Variants in ANK3 observed in about 807,000 individuals in gnomAD.
ANK3 encodes the protein ankyrin 3, also known as ankyrin-3.
A neutral mutation model predicts 370.9 loss-of-function variants in ANK3; 57 were observed. That is an observed-to-expected ratio of 0.15 (90% CI 0.12 to 0.19). ANK3 has a LOEUF of 0.19. Among genes scored for constraint, ANK3 ranks in the 10% least tolerant of loss-of-function variants. The probability of loss-of-function intolerance (pLI) is 1.00; values close to 1 mark genes in which losing one functional copy is unlikely to be tolerated. For synonymous variants in ANK3, 1,929 were observed against 1,946.3 expected, an observed-to-expected ratio of 0.99 and a Z score of 0.23; for missense variants, 4,439 against 5,302.1, an observed-to-expected ratio of 0.84 and a Z score of 5.06.
At chr10:60,137,474 C>T (rs543218104) in intron 24 of ANK3, 1 of 242,692 alleles carries the variant, frequency 4.1e-6, no homozygotes, top group East Asian at 9.3e-5. Context: ...TTAATGTACT[C>T]CTTTTAAAAT....
At chr10:60,641,001 G>A (rs1027636426) in intron 1 of ANK3, among the ~76,000 whole-genome samples, 14 of 147,104 alleles carry the variant, frequency 9.5e-5, no homozygotes, top group African/African-American at 3.5e-4. Flanking sequence ...CAAACGGAGA[G>A]CCAAATCAGG....
At chr10:60,314,005 C>T (rs931999834) in intron 1 of ANK3, among the ~76,000 whole-genome samples, 3 of 151,508 alleles carry the variant, frequency 2.0e-5, no homozygotes, top group Non-Finnish European at 4.4e-5. Flanking sequence ...TCTCCATCTC[C>T]CTGCTAGAGT....
intron 23 of ANK3, among the ~76,000 whole-genome samples, chr10:60,162,512 A>C (rs575077906): frequency 6.6e-6 from 1 of 152,168 alleles, no homozygotes; most frequent in African/African-American, 2.4e-5. Context: ...TGTGGCTTCC[A>C]CTGGCCACCA....
chr10:60,117,726 A>C (rs1379513354), intron 25 of ANK3, among the ~76,000 whole-genome samples: 1 of 152,184 alleles, frequency 6.6e-6, no homozygotes, highest in Admixed American at 6.5e-5. Flanking sequence ...AGGCAGGAGA[A>C]TCGCCTGAAC....
At chr10:60,402,666 C>T (rs2063375242) in intron 2 of ANK3, among the ~76,000 whole-genome samples, 1 of 152,204 alleles carries the variant, frequency 6.6e-6, no homozygotes. Context: ...TGCACACTTC[C>T]ATTCTGTTTA....
chr10:60,565,032 T>C (rs1045888645), intron 2 of ANK3, among the ~76,000 whole-genome samples: 1 of 152,068 alleles, frequency 6.6e-6, no homozygotes, highest in Non-Finnish European at 1.5e-5. Context: ...TCAGTAATCA[T>C]TGACAATGAA....
intron 2 of ANK3, among the ~76,000 whole-genome samples, chr10:60,443,266 T>C (rs1043607502): frequency 6.6e-6 from 1 of 152,046 alleles, no homozygotes; most frequent in Non-Finnish European, 1.5e-5. Context: ...TGGGAAAACA[T>C]AAAGGACATT....
chr10:60,123,608 G>C (rs2093612292), intron 25 of ANK3, among the ~76,000 whole-genome samples: 1 of 152,220 alleles, frequency 6.6e-6, no homozygotes, highest in South Asian at 2.1e-4. Context: ...TTAAGGTCCA[G>C]AACTAACCCT....
chr10:60,227,040 C>T (rs2132510858), intron 8 of ANK3, among the ~76,000 whole-genome samples: 1 of 151,766 alleles, frequency 6.6e-6, no homozygotes, highest in South Asian at 2.1e-4. Context: ...GGTATCATTT[C>T]CCTTAGATGG....
chr10:60,254,863 G>A (rs1294815246), intron 7 of ANK3, among the ~76,000 whole-genome samples: 4 of 152,198 alleles, frequency 2.6e-5, no homozygotes, highest in Non-Finnish European at 5.9e-5. Flanking sequence ...ACCAGGAGTG[G>A]TGGACAGGAA....
At chr10:60,130,349 G>T (rs1282717262) in intron 25 of ANK3, among the ~76,000 whole-genome samples, 2 of 152,192 alleles carry the variant, frequency 1.3e-5, no homozygotes, top group African/African-American at 4.8e-5. Flanking sequence ...TGATTAATCA[G>T]CAGGATAATA....
chr10:60,261,380 CATT>C (rs2097802000), intron 7 of ANK3, among the ~76,000 whole-genome samples: 1 of 152,182 alleles, frequency 6.6e-6, no homozygotes, highest in African/African-American at 2.4e-5. Context: ...ACTTGTTACT[CATT>C]ATGAAAGTTT....
intron 2 of ANK3, among the ~76,000 whole-genome samples, chr10:60,409,575 C>T (rs2063518888): frequency 6.6e-6 from 1 of 152,202 alleles, no homozygotes; most frequent in East Asian, 1.9e-4. Flanking sequence ...CAAAAGGAGT[C>T]GGGCTCCTTC....
At chr10:60,521,329 A>T (rs1416552249) in intron 2 of ANK3, among the ~76,000 whole-genome samples, 1 of 152,132 alleles carries the variant, frequency 6.6e-6, no homozygotes, top group Non-Finnish European at 1.5e-5. Context: ...CTTTAAAGGA[A>T]TATATTATAC....
At chr10:60,330,151 A>G (rs2050874611) in intron 1 of ANK3, among the ~76,000 whole-genome samples, 1 of 152,226 alleles carries the variant, frequency 6.6e-6, no homozygotes. Flanking sequence ...TGGATTAAAG[A>G]CTGAAACGTA....
intron 2 of ANK3, among the ~76,000 whole-genome samples, chr10:60,580,406 T>C (rs2077735369): frequency 6.6e-6 from 1 of 152,170 alleles, no homozygotes; most frequent in Non-Finnish European, 1.5e-5. Context: ...TGGTATACTG[T>C]CTTTAGCTAA....
chr10:60,675,566 A>G (rs2079114296), intron 1 of ANK3, among the ~76,000 whole-genome samples: 1 of 152,238 alleles, frequency 6.6e-6, no homozygotes, highest in South Asian at 2.1e-4. Flanking sequence ...GATGATTCAT[A>G]AGTATTTTTT....
intron 23 of ANK3, chr10:60,145,884 A>G (rs2094794670): frequency 1.4e-6 from 1 of 693,620 alleles, no homozygotes; most frequent in African/African-American, 1.8e-5. Flanking sequence ...TAGGTGCTCA[A>G]TAAATGTGGA....
chr10:60,068,046 A>G, intron 37 of ANK3, 37 bp from the exon 38 acceptor site: 1 of 1,577,218 alleles, frequency 6.3e-7, no homozygotes, highest in Non-Finnish European at 8.7e-7. Flanking sequence ...ATAATCATCA[A>G]GAAAGATACG....
Sources: gnomAD v4.1 joint callset for allele counts (sites outside exome capture counted in the v4.1 genomes callset) on GRCh38, gnomAD v4.1.1 for gene constraint, MANE v1.5 for transcripts, NCBI Gene and HGNC (gene_info 2026-07-23, HGNC 2026-07-21) for gene names.